The following SGCD variants were observed in gnomAD, a reference collection of about 807,000 sequenced individuals.
SGCD encodes the protein delta-sarcoglycan.
Under a neutral mutation model 36.6 loss-of-function variants are expected in SGCD, and 18 were observed. The ratio of observed to expected loss-of-function variants is 0.49; its 90% CI spans 0.34 to 0.73. SGCD has a LOEUF of 0.73. SGCD is among the 30% of genes least tolerant of loss of function. The pLI is 0.01. For missense variants in SGCD, 387 were observed against 346.7 expected (o/e 1.12, Z -0.92); for synonymous variants, 133 against 130.6 (o/e 1.02, Z -0.12).
intron 1 of SGCD, among the ~76,000 whole-genome samples, chr5:156,009,701 A>T (rs1758820177): frequency 6.6e-6 from 1 of 152,158 alleles, no homozygotes; most frequent in African/African-American, 2.4e-5. Context: ...TAGCTTTTAC[A>T]TAGATTTTAA....
chr5:156,216,355 G>C (rs1157043678), intron 3 of SGCD, among the ~76,000 whole-genome samples: 8 of 152,164 alleles, frequency 5.3e-5, no homozygotes, highest in Admixed American at 3.9e-4. Context: ...TTGTGGTAAT[G>C]CATGTATTAA....
chr5:156,055,037 C>CA (rs375312500), intron 1 of SGCD, among the ~76,000 whole-genome samples: 1 of 146,036 alleles, frequency 6.8e-6, no homozygotes, highest in African/African-American at 2.5e-5. Flanking sequence ...GACAGGGAGC[C>CA]AAAAATATGT....
At chr5:155,769,671 C>T in the SGCD span, among the ~76,000 whole-genome samples, 3 of 152,184 alleles carry the variant, frequency 2.0e-5, no homozygotes, top group African/African-American at 7.2e-5. Flanking sequence ...TACTTGCATT[C>T]TACATCCAAC....
intron 7 of SGCD, among the ~76,000 whole-genome samples, chr5:156,734,971 G>A (rs989872812): frequency 2.0e-5 from 3 of 152,106 alleles, no homozygotes; most frequent in Admixed American, 1.3e-4. Context: ...TCTCATTTTG[G>A]TAGGCTTATC....
At chr5:156,067,604 G>A (rs1366589024) in intron 1 of SGCD, among the ~76,000 whole-genome samples, 7 of 94,052 alleles carry the variant, frequency 7.4e-5, no homozygotes, top group South Asian at 3.4e-4. Context: ...TTCCGTGGGC[G>A]TAGGACCCTC....
At chr5:156,024,098 G>C (rs950352539) in intron 1 of SGCD, among the ~76,000 whole-genome samples, 1 of 152,118 alleles carries the variant, frequency 6.6e-6, no homozygotes, top group Admixed American at 6.5e-5. Flanking sequence ...GAGTTCCAAG[G>C]ATGGCAGCGT....
chr5:156,607,990 A>C (rs1481738624), intron 6 of SGCD, among the ~76,000 whole-genome samples: 2 of 152,202 alleles, frequency 1.3e-5, no homozygotes, highest in African/African-American at 2.4e-5. Flanking sequence ...TTTTCAAAAA[A>C]ACAGCTCCTG....
intron 1 of SGCD, among the ~76,000 whole-genome samples, chr5:155,993,874 A>G (rs1489160235): frequency 6.6e-6 from 1 of 152,196 alleles, no homozygotes; most frequent in Non-Finnish European, 1.5e-5. Context: ...GTCTCACAGC[A>G]TCACTCTGTC....
intron 3 of SGCD, among the ~76,000 whole-genome samples, chr5:156,444,097 TC>T (rs1561699263): frequency 1.7e-5 from 2 of 119,212 alleles, no homozygotes; most frequent in African/African-American, 7.6e-5. Flanking sequence ...TCTCTCTCTC[TC>T]TCTCTCTCTC....
intron 3 of SGCD, among the ~76,000 whole-genome samples, chr5:156,436,427 C>T (rs1753250346): frequency 6.6e-6 from 1 of 152,162 alleles, no homozygotes; most frequent in African/African-American, 2.4e-5. Context: ...GTCATATAGT[C>T]AGAACTTTCC....
At chr5:155,738,643 T>G in the SGCD span, among the ~76,000 whole-genome samples, 2 of 151,258 alleles carry the variant, frequency 1.3e-5, no homozygotes, top group Non-Finnish European at 3.0e-5. Flanking sequence ...TCTGTGAGAG[T>G]GTGTGTGTGT....
At chr5:156,114,330 T>C (rs1393692869) in intron 1 of SGCD, among the ~76,000 whole-genome samples, 2 of 152,084 alleles carry the variant, frequency 1.3e-5, no homozygotes, top group Non-Finnish European at 1.5e-5. Flanking sequence ...AAGTAATCTA[T>C]ATATAAAGAC....
At chr5:156,593,343 G>A (rs748807271) in intron 5 of SGCD, among the ~76,000 whole-genome samples, 14 of 152,074 alleles carry the variant, frequency 9.2e-5, no homozygotes, top group South Asian at 2.1e-4. Context: ...TTCAGAACAC[G>A]CGCACCAGAC....
chr5:155,949,770 G>A (rs1561660278), intron 1 of SGCD, among the ~76,000 whole-genome samples: 1 of 152,112 alleles, frequency 6.6e-6, no homozygotes, highest in Admixed American at 6.6e-5. Context: ...GAGTAGTTGT[G>A]ACAGAAATCA....
intron 3 of SGCD, among the ~76,000 whole-genome samples, chr5:156,474,646 T>C (rs1299067854): frequency 2.6e-5 from 4 of 152,200 alleles, no homozygotes; most frequent in Admixed American, 6.5e-5. Flanking sequence ...TTGGTCCCCA[T>C]TGAAGCAGAA....
intron 1 of SGCD, among the ~76,000 whole-genome samples, chr5:155,875,324 A>G (rs1755741870): frequency 6.6e-6 from 1 of 152,176 alleles, no homozygotes; most frequent in Non-Finnish European, 1.5e-5. Flanking sequence ...AAGTAATTCC[A>G]TAGGTAGAAT....
the SGCD span, among the ~76,000 whole-genome samples, chr5:155,799,296 T>C: frequency 1.3e-5 from 2 of 152,208 alleles, no homozygotes; most frequent in Non-Finnish European, 2.9e-5. Flanking sequence ...CCTGCTATTT[T>C]AGTAAAATAG....
At chr5:155,753,945 A>G in the SGCD span, among the ~76,000 whole-genome samples, 39 of 152,232 alleles carry the variant, frequency 2.6e-4, no homozygotes, top group Middle Eastern at 6.8e-3. Context: ...TTCCCAAAAC[A>G]TCCACCACTT....
chr5:156,337,138 A>G (rs900040730), intron 2 of SGCD, among the ~76,000 whole-genome samples: 11 of 152,228 alleles, frequency 7.2e-5, no homozygotes, highest in Admixed American at 1.3e-4. Context: ...CCTAAAAACT[A>G]ATATGGCTAA....
Sources: gnomAD v4.1 joint callset for allele counts (sites outside exome capture counted in the v4.1 genomes callset) on GRCh38, gnomAD v4.1.1 for gene constraint, MANE v1.5 for transcripts, NCBI Gene and HGNC (gene_info 2026-07-23, HGNC 2026-07-21) for gene names.